Variants in SGCZ observed in about 807,000 individuals in gnomAD.
SGCZ encodes zeta-sarcoglycan.
Under a neutral mutation model 41.3 loss-of-function variants are expected in SGCZ, and 40 were observed. The observed-to-expected ratio is 0.97, with a 90% CI of 0.75 to 1.26. SGCZ has a LOEUF of 1.26. Among genes scored for constraint, SGCZ ranks in the 50% most tolerant of loss-of-function variants. The pLI, the probability that SGCZ is intolerant of heterozygous loss-of-function variation, is 0.00. For synonymous variants in SGCZ, 206 were observed against 137.5 expected, an observed-to-expected ratio of 1.50 and a Z score of -3.49; for missense variants, 552 against 369.8, an observed-to-expected ratio of 1.49 and a Z score of -4.04.
rs1017295664 is a variant in SGCZ at position 14,351,726 on chromosome 8, G to C, written c.235-27522C>G. On this transcript the variant is annotated intron_variant, in intron 2 of 7. Coordinates refer to ENST00000382080, the MANE Select transcript of SGCZ (RefSeq NM_139167.4). ...AAGAATTTGCTTGTAATGGTACAATGATTAATTTCTTTATATTATGATTTT... is the reference window on the plus strand; with the variant it reads ...AAGAATTTGCTTGTAATGGTACAATCATTAATTTCTTTATATTATGATTTT... Among the ~76,000 whole-genome samples the C allele has an allele frequency of 2.0e-5, 3 of 151,974 alleles. No homozygotes were observed. The South Asian group carries it at 6.2e-4, about 31-fold the overall frequency.
At chr8:14,098,218 C>A (rs767261435) in intron 7 of SGCZ, among the ~76,000 whole-genome samples, 1 of 152,108 alleles carries the variant, frequency 6.6e-6, no homozygotes, top group Non-Finnish European at 1.5e-5. Flanking sequence ...TTATTGATGT[C>A]AGATGTTGAA....
chr8:14,381,416 C>T (rs1039916937), intron 2 of SGCZ, among the ~76,000 whole-genome samples: 2 of 152,104 alleles, frequency 1.3e-5, no homozygotes, highest in Non-Finnish European at 2.9e-5. Flanking sequence ...CCATATTTTA[C>T]CACTTCCTGC....
At chr8:14,461,903 A>G (rs1437622520) in intron 2 of SGCZ, among the ~76,000 whole-genome samples, 1 of 152,098 alleles carries the variant, frequency 6.6e-6, no homozygotes, top group East Asian at 1.9e-4. Context: ...TAACATATTG[A>G]TTTGGGAATA....
intron 1 of SGCZ, among the ~76,000 whole-genome samples, chr8:14,583,429 C>T (rs575773608): frequency 9.9e-5 from 15 of 152,114 alleles, no homozygotes; most frequent in South Asian, 8.3e-4. Context: ...GAGTAGGTTG[C>T]GAAACTTTTC....
chr8:14,354,729 A>T (rs548875212), intron 2 of SGCZ, among the ~76,000 whole-genome samples: 2 of 151,956 alleles, frequency 1.3e-5, no homozygotes, highest in Admixed American at 6.6e-5. Context: ...AAAAGACACG[A>T]TTTTTTAAAA....
chr8:14,242,110 G>C (rs1798913601), intron 3 of SGCZ, among the ~76,000 whole-genome samples: 1 of 152,060 alleles, frequency 6.6e-6, no homozygotes, highest in Admixed American at 6.6e-5. Flanking sequence ...CATACAAACA[G>C]AGAATATTAA....
At chr8:14,278,822 T>C (rs1044410901) in intron 3 of SGCZ, among the ~76,000 whole-genome samples, 3 of 152,132 alleles carry the variant, frequency 2.0e-5, no homozygotes, top group Non-Finnish European at 2.9e-5. Flanking sequence ...TATTGGACTT[T>C]GTGTTTGTGA....
intron 2 of SGCZ, among the ~76,000 whole-genome samples, chr8:14,410,517 T>G (rs536359527): frequency 6.7e-6 from 1 of 148,708 alleles, no homozygotes; most frequent in East Asian, 2.0e-4. Context: ...TAATGTGAAA[T>G]GCTGTGTAAT....
At chr8:14,238,931 A>G (rs1806867714) in intron 3 of SGCZ, among the ~76,000 whole-genome samples, 1 of 151,942 alleles carries the variant, frequency 6.6e-6, no homozygotes, top group East Asian at 1.9e-4. Flanking sequence ...AAAACTCTCA[A>G]TATTAGGATT....
At chr8:14,380,894 G>T (rs1426581830) in intron 2 of SGCZ, among the ~76,000 whole-genome samples, 2 of 152,016 alleles carry the variant, frequency 1.3e-5, no homozygotes, top group African/African-American at 2.4e-5. Flanking sequence ...GTGTAATTGT[G>T]TAAAGTAAAA....
At chr8:14,395,101 T>C (rs755430992) in intron 2 of SGCZ, among the ~76,000 whole-genome samples, 9 of 152,192 alleles carry the variant, frequency 5.9e-5, no homozygotes, top group Non-Finnish European at 8.8e-5. Context: ...CTAAGGAACA[T>C]AGAATGTGCT....
At chr8:15,052,164 A>AT (rs1262027417) in intron 1 of SGCZ, among the ~76,000 whole-genome samples, 1 of 152,182 alleles carries the variant, frequency 6.6e-6, no homozygotes, top group East Asian at 1.9e-4. Flanking sequence ...ATCAAGAGCA[A>AT]GGGATTTTTA....
chr8:14,336,746 G>A (rs1477528542), intron 2 of SGCZ, among the ~76,000 whole-genome samples: 1 of 152,000 alleles, frequency 6.6e-6, no homozygotes. Flanking sequence ...ACTGTTTTCT[G>A]GATTTCACAG....
intron 2 of SGCZ, among the ~76,000 whole-genome samples, chr8:14,327,840 G>T (rs1345009910): frequency 1.3e-5 from 2 of 152,130 alleles, no homozygotes; most frequent in African/African-American, 4.8e-5. Context: ...GAGTGCAGCG[G>T]CGCAATCTTG....
chr8:14,254,486 A>T (rs1374822985), intron 3 of SGCZ, among the ~76,000 whole-genome samples: 1 of 152,234 alleles, frequency 6.6e-6, no homozygotes, highest in Non-Finnish European at 1.5e-5. Flanking sequence ...TCTTAGGTCA[A>T]AAATAAGTGA....
At chr8:14,268,447 C>T (rs1473311008) in intron 3 of SGCZ, among the ~76,000 whole-genome samples, 1 of 151,524 alleles carries the variant, frequency 6.6e-6, no homozygotes, top group Non-Finnish European at 1.5e-5. Context: ...ATCTGTCTCA[C>T]TGGCATTCAA....
At chr8:15,145,743 C>T (rs980742482) in intron 1 of SGCZ, among the ~76,000 whole-genome samples, 6 of 152,170 alleles carry the variant, frequency 3.9e-5, no homozygotes, top group African/African-American at 1.4e-4. Flanking sequence ...GTGTGAGCAC[C>T]ATACGTGGCC....
At chr8:14,517,094 T>A (rs1223127882) in intron 2 of SGCZ, among the ~76,000 whole-genome samples, 2 of 152,016 alleles carry the variant, frequency 1.3e-5, no homozygotes, top group African/African-American at 4.8e-5. Flanking sequence ...GGAAACAGAT[T>A]TCTTGTACAA....
chr8:15,077,363 T>C (rs905725521), intron 1 of SGCZ, among the ~76,000 whole-genome samples: 1 of 152,210 alleles, frequency 6.6e-6, no homozygotes, highest in African/African-American at 2.4e-5. Context: ...ATTGCAGTAA[T>C]TTGGAGTGCT....
Sources: allele counts gnomAD v4.1 joint callset (sites outside exome capture counted in the v4.1 genomes callset), GRCh38; gene constraint gnomAD v4.1.1; transcripts MANE v1.5; gene names NCBI Gene and HGNC (gene_info 2026-07-23, HGNC 2026-07-21).